PDE6B: variants seen among roughly 807,000 people sequenced by gnomAD.
PDE6B encodes rod cGMP-specific 3',5'-cyclic phosphodiesterase subunit beta.
PDE6B carries 106 observed loss-of-function variants against 109.0 expected under a neutral mutation model. The ratio of observed to expected loss-of-function variants is 0.97; its 90% confidence interval spans 0.83 to 1.14. The LOEUF is 1.14. Among genes scored for constraint, PDE6B ranks in the 50% most tolerant of loss-of-function variants. The pLI, the probability that PDE6B is intolerant of heterozygous loss-of-function variation, is 0.00. For synonymous variants in PDE6B, 490 were observed against 471.3 expected (o/e 1.04, Z -0.51); for missense variants, 1,193 against 1,155.6 (o/e 1.03, Z -0.47).
At chr4:650,757 A>G (rs372774200) in intron 3 of PDE6B, among the ~76,000 whole-genome samples, 15 of 152,066 alleles carry the variant, frequency 9.9e-5, no homozygotes, top group African/African-American at 3.6e-4. Flanking sequence ...AGAGCAGGCC[A>G]GGGTCGGAGG....
At chr4:638,325 A>T (rs1192673383) in intron 3 of PDE6B, among the ~76,000 whole-genome samples, 1 of 151,770 alleles carries the variant, frequency 6.6e-6, no homozygotes, top group African/African-American at 2.4e-5. Flanking sequence ...TTTTTATTTT[A>T]TTTATTTATT....
rs886534064 is a variant in PDE6B at position 626,906 on chromosome 4, G to A, written c.468+812G>A. ...CTGGAAAGGCCCTGAGGAGCTGCCC[G>A]GCAAGGGGGCTCTGAGGAAGAAGGG... On this transcript the variant is annotated intron_variant, in intron 1 of 21. Transcript: ENST00000496514. This position sits in a 1 kb window ranked among gnomAD's most constrained non-coding sequence, Gnocchi z 4.6. 8.5e-5 allele frequency among the ~76,000 whole-genome samples: 13 copies of A among 152,180 alleles called. No homozygotes were observed. Among genetic ancestry groups the A allele is most frequent in the Admixed American group, 2.0e-4 (3 of 15,286 alleles).
rs72613109 is a variant in PDE6B, at chr4:666,052, C to T, written c.2269-479C>T. Among the ~76,000 whole-genome samples the T allele has an allele frequency of 0.031, 4,770 of 152,240 alleles. 242 individuals carry two copies. The highest frequency in any genetic ancestry group is 0.23 in the East Asian group (1,206 of 5,162). ...CTAGAGTCCTGCATGGTTCACCCTC[C>T]ACCAGGACGCTGTGAGGGGACGGAC... is the stretch of plus-strand genomic sequence containing the variant. On this transcript the variant is annotated intron_variant, in intron 19 of 21. Transcript: ENST00000496514. The surrounding 1 kb of genome is among the most constrained non-coding windows in gnomAD (Gnocchi z 5.6).
chr4:662,095 G>T lies in PDE6B; in HGVS notation c.1615-39G>T, dbSNP rs770752138. 3.9e-6 allele frequency: 4 copies of T among 1,014,928 alleles called. No individual in the cohort carries two copies. The East Asian group carries it at 7.8e-5, about 20-fold the overall frequency. The allele number at this position is 1,014,928 out of a possible 1,614,324, so 62.9% of individuals were successfully genotyped here. A position where few individuals can be genotyped will look rare whatever the true frequency, so the allele number is the denominator to read the frequency against. On this transcript the variant is annotated intron_variant, in intron 12 of 21. Transcript: ENST00000496514. The surrounding 1 kb of genome is among the most constrained non-coding windows in gnomAD (Gnocchi z 4.3). Reference sequence around the variant, plus strand: ...GGTGCCGCTCTGGCGGGACTTACACGCTTGCCGCCGGAGCCCTGTGTCCTC... The same window carrying T: ...GGTGCCGCTCTGGCGGGACTTACACTCTTGCCGCCGGAGCCCTGTGTCCTC...
In PDE6B at chr4:665,543, G is replaced by A. The variant is rs756563221; in HGVS notation, c.2268+214G>A. Among the ~76,000 whole-genome samples, 2 of 152,164 alleles carry A rather than the reference G, an allele frequency of 1.3e-5. No homozygotes were observed. Among genetic ancestry groups the A allele is most frequent in the Admixed American group, 6.5e-5 (1 of 15,280 alleles). ...GTGATGCTTATGCAGAGGTGACGTC[G>A]TTGGCACTGGAGGAACCAGGGCCAC... On this transcript the variant is annotated intron_variant, in intron 19 of 21. Transcript: ENST00000496514. This position sits in a 1 kb window ranked among gnomAD's most constrained non-coding sequence, Gnocchi z 4.0.
Position 664,948 on chromosome 4 carries a change from A to G in PDE6B, c.2193+4A>G. 1 of 1,609,810 alleles carries G rather than the reference A, an allele frequency of 6.2e-7. No individual in the cohort carries two copies. On this transcript the variant is annotated splice_donor_region_variant and intron_variant, in intron 18 of 21. Coordinates refer to ENST00000496514, the MANE Select transcript of PDE6B (RefSeq NM_000283.4). Reference sequence around the variant, plus strand: ...GCCCTGGGAAGTCCAGAGCAAGGTTAGAACAGAGGGCCCTCCAGACCCAGA... The same window carrying G: ...GCCCTGGGAAGTCCAGAGCAAGGTTGGAACAGAGGGCCCTCCAGACCCAGA...
chr4:625,614 A>T lies in PDE6B; in HGVS notation c.-13A>T, dbSNP rs1734045985. 1 of 1,588,002 alleles carries T rather than the reference A, an allele frequency of 6.3e-7. No homozygotes were observed. The highest frequency in any genetic ancestry group is 8.6e-7 in the Non-Finnish European group (1 of 1,156,486). ...GCCTGGAGCAGCAGCGTCTCCAGGG[A>T]CAGGCAGCCACCATGAGCCTCAGTG... On this transcript the variant is annotated 5_prime_UTR_variant, in exon 1 of 22. Transcript: ENST00000496514. This position sits in a 1 kb window ranked among gnomAD's most constrained non-coding sequence, Gnocchi z 5.0.
rs1201744820 is a variant in PDE6B at position 660,683 on chromosome 4, C to G, written c.1614+70C>G. ...CAGGACATGGGGGTGGGGATGTGAT[C>G]AGGGCCTCAGGTGCCCCAGAAGGTG... On this transcript the variant is annotated intron_variant, in intron 12 of 21. Coordinates refer to ENST00000496514, the MANE Select transcript of PDE6B (RefSeq NM_000283.4). 1.2e-5 allele frequency: 16 copies of G among 1,370,218 alleles called. 1 individual carries two copies. In the Middle Eastern group the frequency reaches 6.7e-4, roughly 57 times the overall value. 84.9% of individuals were successfully genotyped at this position (1,370,218 alleles called of 1,614,324 possible). A position where few individuals can be genotyped will look rare whatever the true frequency, so the allele number is the denominator to read the frequency against.
chr4:656,899 G>T lies in PDE6B; in HGVS notation c.1133G>T (p.Trp378Leu), dbSNP rs367889201. The change falls in exon 9 of 22, where the codon TGG becomes TTG. Residue 378 changes from tryptophan (W) to leucine (L), a missense_variant. Physicochemically the swap from Trp to Leu is moderately conservative, Grantham distance 61 (BLOSUM62 -2). Coordinates refer to ENST00000496514, the MANE Select transcript of PDE6B (RefSeq NM_000283.4). ...FQEGALDDSG[W>L]LIKNVLSMPI... ...GAAGGGGCCCTGGACGACTCCGGGTGGCTCATCAAGAATGTGCTGTCCATG... is the reference window on the plus strand; with the variant it reads ...GAAGGGGCCCTGGACGACTCCGGGTTGCTCATCAAGAATGTGCTGTCCATG... The T allele has an allele frequency of 1.2e-6, 2 of 1,612,926 alleles. No individual in the cohort carries two copies. The highest frequency in any genetic ancestry group is 1.7e-6 in the Non-Finnish European group (2 of 1,179,960).
At position 648,983 on chromosome 4, in the gene PDE6B, G is replaced by A. The variant is rs1244174233; in HGVS notation, c.712-4869G>A. Among the ~76,000 whole-genome samples, 1 of 152,230 alleles carries A rather than the reference G, an allele frequency of 6.6e-6. No homozygotes were observed. The highest frequency in any genetic ancestry group is 1.5e-5 in the Non-Finnish European group (1 of 68,040). ...CCATTCAGAAGTGAGAGGCGGCCAG[G>A]AGGGGCGGGCGTGGTCTGTCCACAC... On this transcript the variant is annotated intron_variant, in intron 3 of 21. Coordinates refer to ENST00000496514, the MANE Select transcript of PDE6B (RefSeq NM_000283.4). The surrounding 1 kb of genome is among the most constrained non-coding windows in gnomAD (Gnocchi z 4.5).
At chr4:653,100 G>A (rs1735729159) in intron 3 of PDE6B, 1 of 841,928 alleles carries the variant, frequency 1.2e-6, no homozygotes, top group Non-Finnish European at 1.4e-6. Flanking sequence ...GGAGAGCCTG[G>A]TCCTGTTCCC....
rs762846591 is a variant in PDE6B at position 663,747 on chromosome 4, C to T, written c.1921-23C>T. 3.8e-6 allele frequency: 6 copies of T among 1,589,646 alleles called. No individual in the cohort carries two copies. The highest frequency in any genetic ancestry group is 5.2e-6 in the Non-Finnish European group (6 of 1,159,546). On this transcript the variant is annotated intron_variant, in intron 15 of 21. Transcript: ENST00000496514. This position sits in a 1 kb window ranked among gnomAD's most constrained non-coding sequence, Gnocchi z 4.0. ...TGAGAGGTGGCCGCAGGGCGCCTGA[C>T]GCGCTGGGCATAACCTCCGCAGACC...
rs746471576 is a variant in PDE6B, at chr4:667,895, G to C, written c.2392G>C (p.Asp798His). 7.4e-6 allele frequency: 12 copies of C among 1,613,346 alleles called. No homozygotes were observed. The highest frequency in any genetic ancestry group is 2.2e-5 in the East Asian group (1 of 44,892). ...RFHEEILPMF[D>H]RLQNNRKEWK... ...CCACGAAGAGATCCTGCCCATGTTC[G>C]ACCGACTGCAGAACAATAGGAAAGA... Residue 798 changes from aspartate (D) to histidine (H), a missense_variant, in exon 21 of 22, where the codon GAC (aspartate) becomes CAC (histidine). By Grantham distance (81) the Asp-to-His change is moderately conservative. Coordinates refer to ENST00000496514, the MANE Select transcript of PDE6B (RefSeq NM_000283.4).
Position 663,072 on chromosome 4 carries a change from G to T in PDE6B, c.1833-28G>T, listed in dbSNP as rs775305211. 5.1e-6 allele frequency: 7 copies of T among 1,380,812 alleles called. No homozygotes were observed. The highest frequency in any genetic ancestry group is 7.2e-6 in the Non-Finnish European group (7 of 967,202). The allele number at this position is 1,380,812 out of a possible 1,614,324, so 85.5% of individuals were successfully genotyped here. A position where few individuals can be genotyped will look rare whatever the true frequency, so the allele number is the denominator to read the frequency against. On this transcript the variant is annotated intron_variant, in intron 14 of 21. Transcript: ENST00000496514. The surrounding 1 kb of genome is among the most constrained non-coding windows in gnomAD (Gnocchi z 4.0). ...GGGTGGGCCAAGGGCAGGTCCCACG[G>T]GCCTCACCTCCACCACCTGTGTAAC...
chr4:638,479 C>T (rs547731618), intron 3 of PDE6B, among the ~76,000 whole-genome samples: 2 of 152,092 alleles, frequency 1.3e-5, no homozygotes, highest in Admixed American at 6.6e-5. Context: ...CCCACCACCA[C>T]GCCCAGCTAG....
intron 3 of PDE6B, among the ~76,000 whole-genome samples, chr4:642,723 C>CT (rs1735001622): frequency 1.3e-5 from 1 of 75,078 alleles, no homozygotes; most frequent in African/African-American, 7.6e-5. Flanking sequence ...CAGACACTGT[C>CT]TCAAAAAAAA....
chr4:665,821 G>A lies in PDE6B; in HGVS notation c.2268+492G>A, dbSNP rs1254678999. Among the ~76,000 whole-genome samples the A allele has an allele frequency of 6.6e-6, 1 of 152,198 alleles. No individual in the cohort carries two copies. The highest frequency in any genetic ancestry group is 2.4e-5 in the African/African-American group (1 of 41,454). ...CAGGATAGGCGCCAGGAACAGGAGAGGCAGGGCTGCCCCAGCCCCACGTGG... is the reference window on the plus strand; with the variant it reads ...CAGGATAGGCGCCAGGAACAGGAGAAGCAGGGCTGCCCCAGCCCCACGTGG... On this transcript the variant is annotated intron_variant, in intron 19 of 21. Coordinates refer to ENST00000496514, the MANE Select transcript of PDE6B (RefSeq NM_000283.4). This position sits in a 1 kb window ranked among gnomAD's most constrained non-coding sequence, Gnocchi z 4.0.
intron 3 of PDE6B, among the ~76,000 whole-genome samples, chr4:645,575 G>A (rs529448233): frequency 3.7e-4 from 57 of 152,016 alleles, no homozygotes; most frequent in African/African-American, 1.3e-3. Context: ...GATTACAGGC[G>A]TGAGCCACCG....
At chr4:628,286 G>A (rs1385893315) in intron 1 of PDE6B, among the ~76,000 whole-genome samples, 1 of 152,212 alleles carries the variant, frequency 6.6e-6, no homozygotes, top group Non-Finnish European at 1.5e-5. Flanking sequence ...CTGAGGCAGA[G>A]CACACCTCAG....
Sources: allele counts gnomAD v4.1 joint callset (sites outside exome capture counted in the v4.1 genomes callset), GRCh38; gene constraint gnomAD v4.1.1; non-coding constraint Gnocchi (gnomAD v3.1); transcripts MANE v1.5; gene names NCBI Gene and HGNC (gene_info 2026-07-23, HGNC 2026-07-21).